AFF3: variants seen among roughly 807,000 people sequenced by gnomAD.
AFF3 encodes ALF transcription elongation factor 3, also known as AF4/FMR2 family member 3.
In AFF3, 32 loss-of-function variants were observed where a neutral mutation model predicts 129.7. The ratio of observed to expected loss-of-function variants is 0.25; its 90% CI spans 0.19 to 0.33. AFF3 has a LOEUF of 0.33. AFF3 is among the 10% of genes least tolerant of loss of function. The pLI is 1.00. For missense variants in AFF3, 1,373 were observed against 1,592.0 expected, an observed-to-expected ratio of 0.86 and a Z score of 2.34; for synonymous variants, 644 against 635.4, an observed-to-expected ratio of 1.01 and a Z score of -0.20.
At chr2:99,896,273 A>T (rs1693938956) in intron 7 of AFF3, among the ~76,000 whole-genome samples, 2 of 152,066 alleles carry the variant, frequency 1.3e-5, no homozygotes, top group Admixed American at 1.3e-4. Flanking sequence ...GTACTATGGA[A>T]TGCACCAAAC....
intron 4 of AFF3, among the ~76,000 whole-genome samples, chr2:100,099,441 G>A (rs1690549051): frequency 6.6e-6 from 1 of 152,172 alleles, no homozygotes; most frequent in Non-Finnish European, 1.5e-5. Context: ...TAAACTGCTA[G>A]TGCCTCTGCA....
chr2:99,982,233 G>A (rs1056832892), intron 7 of AFF3, among the ~76,000 whole-genome samples: 2 of 152,208 alleles, frequency 1.3e-5, no homozygotes, highest in African/African-American at 4.8e-5. Context: ...CCAGGTGGGA[G>A]ATGACTGAAT....
At chr2:99,731,920 A>G (rs936848363) in intron 10 of AFF3, among the ~76,000 whole-genome samples, 1 of 152,224 alleles carries the variant, frequency 6.6e-6, no homozygotes, top group Non-Finnish European at 1.5e-5. Flanking sequence ...TAAAATGTAT[A>G]TTTACATGAA....
At chr2:99,947,601 A>AAGAAAGATAGAT (rs765008346) in intron 7 of AFF3, among the ~76,000 whole-genome samples, 164 of 136,584 alleles carry the variant, frequency 1.2e-3, no homozygotes, top group Admixed American at 2.5e-3. Context: ...GAAAGAAAGA[A>AAGAAAGATAGAT]AGATAGATAG....
At chr2:99,703,924 C>T in intron 11 of AFF3, among the ~76,000 whole-genome samples, 1 of 152,194 alleles carries the variant, frequency 6.6e-6, no homozygotes, top group East Asian at 1.9e-4. Flanking sequence ...CTGCTTTGTA[C>T]ACAGTTTCCT....
At chr2:100,013,149 T>C (rs1394199443) in intron 4 of AFF3, among the ~76,000 whole-genome samples, 1 of 152,234 alleles carries the variant, frequency 6.6e-6, no homozygotes, top group East Asian at 1.9e-4. Context: ...TTCTCACTTA[T>C]TTGTTTTTAA....
At chr2:99,873,490 C>T (rs1692034192) in intron 7 of AFF3, among the ~76,000 whole-genome samples, 1 of 152,230 alleles carries the variant, frequency 6.6e-6, no homozygotes, top group African/African-American at 2.4e-5. Flanking sequence ...TGGAAAATCA[C>T]TGCCTTAGGT....
At chr2:99,966,980 T>G (rs1351389372) in intron 7 of AFF3, among the ~76,000 whole-genome samples, 1 of 152,304 alleles carries the variant, frequency 6.6e-6, no homozygotes, top group African/African-American at 2.4e-5. Flanking sequence ...AATTAATTCA[T>G]GCTGGGCCAG....
chr2:99,824,082 A>G (rs549830039), intron 8 of AFF3, among the ~76,000 whole-genome samples: 1 of 152,262 alleles, frequency 6.6e-6, no homozygotes, highest in African/African-American at 2.4e-5. Context: ...CCCCCAATCT[A>G]AAATAAGATT....
At chr2:99,801,413 G>T (rs757144030) in intron 8 of AFF3, among the ~76,000 whole-genome samples, 2 of 152,134 alleles carry the variant, frequency 1.3e-5, no homozygotes, top group African/African-American at 2.4e-5. Flanking sequence ...GGTCTTCAGT[G>T]CTTCAACAGA....
chr2:100,004,044 A>C (rs1371172310), intron 7 of AFF3, among the ~76,000 whole-genome samples: 1 of 151,676 alleles, frequency 6.6e-6, no homozygotes, highest in Non-Finnish European at 1.5e-5. Flanking sequence ...TCTTATGAGG[A>C]ATGTACCTAT....
intron 20 of AFF3, among the ~76,000 whole-genome samples, chr2:99,561,726 T>C (rs1284602485): frequency 6.6e-6 from 1 of 152,194 alleles, no homozygotes; most frequent in Non-Finnish European, 1.5e-5. Context: ...TATAAACTCA[T>C]AAGGAGTAGT....
intron 8 of AFF3, among the ~76,000 whole-genome samples, chr2:99,755,833 T>C (rs1327707858): frequency 6.6e-6 from 1 of 152,124 alleles, no homozygotes; most frequent in Non-Finnish European, 1.5e-5. Flanking sequence ...AAATTGCTCT[T>C]GAAATTCAAC....
At chr2:99,697,037 G>A (rs1250042690) in intron 11 of AFF3, among the ~76,000 whole-genome samples, 1 of 152,186 alleles carries the variant, frequency 6.6e-6, no homozygotes, top group Non-Finnish European at 1.5e-5. Context: ...TTCTAAGGGA[G>A]TGAGGCCCTT....
At chr2:100,014,034 A>G (rs1682775283) in intron 4 of AFF3, among the ~76,000 whole-genome samples, 1 of 151,904 alleles carries the variant, frequency 6.6e-6, no homozygotes, top group Non-Finnish European at 1.5e-5. Flanking sequence ...AGGTTGATTC[A>G]GCAGACCCAG....
At chr2:99,875,091 G>C (rs943338353) in intron 7 of AFF3, among the ~76,000 whole-genome samples, 2 of 152,154 alleles carry the variant, frequency 1.3e-5, no homozygotes, top group African/African-American at 4.8e-5. Context: ...ACATTCTTTT[G>C]AGTTTCTTGT....
chr2:99,594,515 T>G (rs540135387), intron 14 of AFF3, among the ~76,000 whole-genome samples: 2 of 152,204 alleles, frequency 1.3e-5, no homozygotes, highest in Admixed American at 6.5e-5. Context: ...CTAAATGTCC[T>G]TGCAGCACTT....
chr2:99,744,696 T>C (rs1680998016), intron 9 of AFF3, among the ~76,000 whole-genome samples: 1 of 152,214 alleles, frequency 6.6e-6, no homozygotes, highest in African/African-American at 2.4e-5. Context: ...GTTCATCCAC[T>C]CTGTAGCATG....
At chr2:99,741,194 A>G (rs1680688039) in intron 10 of AFF3, among the ~76,000 whole-genome samples, 1 of 152,162 alleles carries the variant, frequency 6.6e-6, no homozygotes, top group African/African-American at 2.4e-5. Flanking sequence ...CTCCTATTCA[A>G]CATAGTGTTG....
Sources: allele counts gnomAD v4.1 joint callset (sites outside exome capture counted in the v4.1 genomes callset), GRCh38; gene constraint gnomAD v4.1.1; transcripts MANE v1.5; gene names NCBI Gene and HGNC (gene_info 2026-07-23, HGNC 2026-07-21).